Variants in TRDN observed in about 807,000 individuals in gnomAD.
TRDN encodes triadin.
A neutral mutation model predicts 149.7 loss-of-function variants in TRDN; 161 were observed. The ratio of observed to expected loss-of-function variants is 1.08; its 90% CI spans 0.95 to 1.23. The LOEUF is 1.23. Among genes scored for constraint, TRDN ranks in the 50% most tolerant of loss-of-function variants. The pLI is 0.00. For missense variants in TRDN, 896 were observed against 823.5 expected, an observed-to-expected ratio of 1.09 and a Z score of -1.08; for synonymous variants, 294 against 250.5, an observed-to-expected ratio of 1.17 and a Z score of -1.64.
rs561002406 is a variant in TRDN at position 123,446,078 on chromosome 6, T to C, written c.932-7075A>G. Among the ~76,000 whole-genome samples the C allele has an allele frequency of 9.3e-4, 141 of 151,818 alleles. 1 individual carries two copies. The highest frequency in any genetic ancestry group is 1.5e-3 in the Non-Finnish European group (102 of 68,006). On this transcript the variant is annotated intron_variant, in intron 10 of 40. Coordinates refer to ENST00000334268, the MANE Select transcript of TRDN (RefSeq NM_006073.4). ...GCCATAAAAAATGATGAGTTCATGT[T>C]CTTTGTAGGGACATGGATGAAATTG...
At chr6:123,321,448 A>G (rs1417590314) in intron 23 of TRDN, among the ~76,000 whole-genome samples, 1 of 151,966 alleles carries the variant, frequency 6.6e-6, no homozygotes, top group Non-Finnish European at 1.5e-5. Flanking sequence ...CATCATTTGG[A>G]CCTTTTTTTA....
chr6:123,535,704 A>G (rs1476668402), intron 4 of TRDN, among the ~76,000 whole-genome samples: 1 of 152,180 alleles, frequency 6.6e-6, no homozygotes, highest in Non-Finnish European at 1.5e-5. Flanking sequence ...AGGAGTTATA[A>G]TAATTTATTA....
At chr6:123,428,411 A>G (rs1487418605) in intron 12 of TRDN, among the ~76,000 whole-genome samples, 1 of 152,150 alleles carries the variant, frequency 6.6e-6, no homozygotes, top group East Asian at 1.9e-4. Context: ...CCTATGGCCA[A>G]TTTACAGCTA....
intron 1 of TRDN, among the ~76,000 whole-genome samples, chr6:123,606,750 A>G (rs1298520511): frequency 2.0e-5 from 3 of 152,190 alleles, no homozygotes; most frequent in Admixed American, 2.0e-4. Context: ...ATTATGTAGC[A>G]ATTTTCAAAA....
At chr6:123,224,034 A>C in intron 39 of TRDN, 59 bp downstream of exon 39, 1 of 1,527,250 alleles carries the variant, frequency 6.5e-7, no homozygotes, top group Admixed American at 1.9e-5. Flanking sequence ...AAAAAGACAG[A>C]CAAAAACCTT....
intron 14 of TRDN, 87 bp downstream of exon 14, chr6:123,388,435 A>T: frequency 1.4e-6 from 2 of 1,420,280 alleles, no homozygotes; most frequent in South Asian, 2.5e-5. Flanking sequence ...CAAGGGGAAT[A>T]TAGACAGAAT....
chr6:123,344,726 G>A (rs1421688842), intron 21 of TRDN, among the ~76,000 whole-genome samples: 2 of 152,028 alleles, frequency 1.3e-5, no homozygotes, highest in Non-Finnish European at 1.5e-5. Context: ...TACGAATAAA[G>A]CTGATATAAA....
At chr6:123,571,331 G>A (rs951252573) in intron 1 of TRDN, among the ~76,000 whole-genome samples, 199 bp from the exon 2 acceptor site, 2 of 152,080 alleles carry the variant, frequency 1.3e-5, no homozygotes, top group Admixed American at 6.5e-5. Flanking sequence ...CCTAAAACTC[G>A]TGCGCTCATA....
intron 24 of TRDN, among the ~76,000 whole-genome samples, chr6:123,296,087 T>A (rs1336282106): frequency 6.6e-6 from 1 of 152,250 alleles, no homozygotes; most frequent in Non-Finnish European, 1.5e-5. Context: ...CAACCTGAAA[T>A]GTTGCAGCAT....
chr6:123,496,829 C>T (rs950681624), intron 9 of TRDN, among the ~76,000 whole-genome samples: 1 of 151,650 alleles, frequency 6.6e-6, no homozygotes, highest in African/African-American at 2.4e-5. Context: ...GTGTTCACTA[C>T]TAAGAAAAGA....
intron 22 of TRDN, among the ~76,000 whole-genome samples, chr6:123,334,352 A>G (rs911097743): frequency 6.6e-6 from 1 of 152,086 alleles, no homozygotes; most frequent in Admixed American, 6.6e-5. Flanking sequence ...AATAACAGAG[A>G]AACCTAAAAG....
At chr6:123,380,532 G>A (rs1371069840) in intron 16 of TRDN, among the ~76,000 whole-genome samples, 2 of 151,946 alleles carry the variant, frequency 1.3e-5, no homozygotes, top group African/African-American at 4.8e-5. Flanking sequence ...GTCTCCACAG[G>A]GCATTTTAGA....
At chr6:123,583,014 A>G (rs1456651768) in intron 1 of TRDN, among the ~76,000 whole-genome samples, 1 of 152,216 alleles carries the variant, frequency 6.6e-6, no homozygotes, top group Non-Finnish European at 1.5e-5. Context: ...TTGAAAAACT[A>G]AACGGAATAA....
At chr6:123,277,055 T>C (rs543098799) in intron 26 of TRDN, among the ~76,000 whole-genome samples, 2 of 152,266 alleles carry the variant, frequency 1.3e-5, no homozygotes, top group East Asian at 1.9e-4. Context: ...TTTTATTTTA[T>C]TGCAATTTCT....
At chr6:123,469,358 A>C (rs1311853586) in intron 9 of TRDN, among the ~76,000 whole-genome samples, 1 of 152,168 alleles carries the variant, frequency 6.6e-6, no homozygotes, top group Non-Finnish European at 1.5e-5. Flanking sequence ...AGGGATGGAA[A>C]GAGGAGACCC....
At chr6:123,516,523 G>A (rs1779418649) in intron 5 of TRDN, among the ~76,000 whole-genome samples, 2 of 152,038 alleles carry the variant, frequency 1.3e-5, no homozygotes, top group African/African-American at 4.8e-5. Flanking sequence ...TATGCCATAT[G>A]CCAAAGGAGC....
chr6:123,496,517 T>G (rs1778453553), intron 9 of TRDN, among the ~76,000 whole-genome samples: 1 of 152,110 alleles, frequency 6.6e-6, no homozygotes, highest in Admixed American at 6.6e-5. Context: ...AACATAGTTC[T>G]GTCAGTTTTT....
Position 123,498,399 on chromosome 6 carries a change from A to G in TRDN, c.794-1147T>C, listed in dbSNP as rs149555839. Reference sequence around the variant, plus strand: ...AAATTCTGTTAGGTCTTTAAAAAATAAATATAGTTATTGAAGAAGATATAA... The same window carrying G: ...AAATTCTGTTAGGTCTTTAAAAAATGAATATAGTTATTGAAGAAGATATAA... On this transcript the variant is annotated intron_variant, in intron 8 of 40. Transcript: ENST00000334268. The G allele has an allele frequency of 8.8e-4, 288 of 328,978 alleles. 1 individual carries two copies. Among genetic ancestry groups the G allele is most frequent in the African/African-American group, 5.6e-3 (262 of 46,614 alleles). 20.4% of individuals were successfully genotyped at this position (328,978 alleles called of 1,614,324 possible). A position where few individuals can be genotyped will look rare whatever the true frequency, so the allele number is the denominator to read the frequency against.
intron 1 of TRDN, among the ~76,000 whole-genome samples, chr6:123,575,102 A>G (rs1366638164): frequency 6.6e-6 from 1 of 151,570 alleles, no homozygotes; most frequent in Non-Finnish European, 1.5e-5. Flanking sequence ...TATGTTTTTC[A>G]TTGTCCTTTT....
Sources: gnomAD v4.1 joint callset for allele counts (sites outside exome capture counted in the v4.1 genomes callset) on GRCh38, gnomAD v4.1.1 for gene constraint, MANE v1.5 for transcripts, NCBI Gene and HGNC (gene_info 2026-07-23, HGNC 2026-07-21) for gene names.